Variants in WWOX observed in about 807,000 individuals in gnomAD.
WWOX encodes the protein WW domain containing oxidoreductase, also known as WW domain-containing oxidoreductase.
Under a neutral mutation model 46.2 loss-of-function variants are expected in WWOX, and 69 were observed. The observed-to-expected ratio is 1.49, with a 90% CI of 1.23 to 1.82. WWOX has a LOEUF of 1.82. WWOX is among the 40% of genes most tolerant of loss of function. The pLI is 0.00. For missense variants in WWOX, 919 were observed against 542.6 expected (o/e 1.69, Z -6.89); for synonymous variants, 359 against 202.6 (o/e 1.77, Z -6.56).
chr16:78,456,509 C>G (rs1039454144), intron 8 of WWOX, among the ~76,000 whole-genome samples: 6 of 152,138 alleles, frequency 3.9e-5, no homozygotes. Context: ...AAGCAATAGC[C>G]TTAAATTCTT....
intron 8 of WWOX, among the ~76,000 whole-genome samples, chr16:78,827,874 C>T (rs533788197): frequency 2.6e-5 from 4 of 152,070 alleles, no homozygotes; most frequent in African/African-American, 4.8e-5. Context: ...ATATGGCCAG[C>T]AGCCAGTGTT....
At chr16:78,252,778 A>G (rs1003014636) in intron 5 of WWOX, among the ~76,000 whole-genome samples, 2 of 152,348 alleles carry the variant, frequency 1.3e-5, no homozygotes, top group African/African-American at 2.4e-5. Flanking sequence ...GGATTATAGC[A>G]AATCATCAAA....
chr16:78,573,154 G>C (rs1221920217), intron 8 of WWOX, among the ~76,000 whole-genome samples: 1 of 152,042 alleles, frequency 6.6e-6, no homozygotes, highest in South Asian at 2.1e-4. Context: ...GCATGGTGGC[G>C]GGGTGCCTGT....
intron 4 of WWOX, among the ~76,000 whole-genome samples, chr16:78,157,246 T>C (rs1436112819): frequency 1.3e-5 from 2 of 152,180 alleles, no homozygotes; most frequent in African/African-American, 4.8e-5. Context: ...GTTGCTTGCA[T>C]ATGGCTGTTG....
intron 8 of WWOX, among the ~76,000 whole-genome samples, chr16:78,615,104 A>G (rs531541100): frequency 6.6e-6 from 1 of 152,342 alleles, no homozygotes; most frequent in East Asian, 1.9e-4. Context: ...TTCTATGTGT[A>G]AAATAATTTG....
At chr16:78,737,731 C>G (rs2049123660) in intron 8 of WWOX, among the ~76,000 whole-genome samples, 1 of 152,070 alleles carries the variant, frequency 6.6e-6, no homozygotes, top group African/African-American at 2.4e-5. Flanking sequence ...ATGTCCTGGT[C>G]CTTTGCTGAG....
chr16:79,028,945 G>C (rs2047699781), intron 8 of WWOX, among the ~76,000 whole-genome samples: 1 of 151,716 alleles, frequency 6.6e-6, no homozygotes, highest in Non-Finnish European at 1.5e-5. Flanking sequence ...TGAAGTTGGA[G>C]AAAAGAGCAT....
chr16:78,634,179 T>C (rs2046508816), intron 8 of WWOX, among the ~76,000 whole-genome samples: 1 of 152,304 alleles, frequency 6.6e-6, no homozygotes, highest in Middle Eastern at 3.4e-3. Context: ...GATTCGCTTT[T>C]TTGTGTCTAA....
intron 8 of WWOX, among the ~76,000 whole-genome samples, chr16:79,102,747 A>T (rs778789247): frequency 6.6e-6 from 1 of 152,214 alleles, no homozygotes; most frequent in Non-Finnish European, 1.5e-5. Flanking sequence ...TAAAGGGTAC[A>T]TGTTTAAATT....
intron 8 of WWOX, among the ~76,000 whole-genome samples, chr16:78,788,615 C>T (rs1370582420): frequency 2.0e-5 from 3 of 152,198 alleles, no homozygotes; most frequent in East Asian, 1.9e-4. Context: ...CCATACCTCG[C>T]CCTATGTGTC....
intron 8 of WWOX, among the ~76,000 whole-genome samples, chr16:78,437,924 T>C (rs13336228): frequency 0.24 from 37,163 of 152,094 alleles, 6,872 homozygotes; most frequent in African/African-American, 0.5. Context: ...GTAAGAACTT[T>C]CGAGTTGGTG....
intron 5 of WWOX, among the ~76,000 whole-genome samples, chr16:78,304,221 A>G (rs13337611): frequency 0.12 from 18,461 of 152,162 alleles, 1,185 homozygotes; most frequent in East Asian, 0.15. Context: ...TCTCATCATT[A>G]CTCATCCTCT....
At chr16:78,939,478 T>G (rs1489702167) in intron 8 of WWOX, among the ~76,000 whole-genome samples, 3 of 152,218 alleles carry the variant, frequency 2.0e-5, no homozygotes, top group African/African-American at 7.2e-5. Flanking sequence ...ACTTAATTTT[T>G]TGAGAAATGG....
In WWOX at chr16:78,129,709, C is replaced by CT. The variant is rs930761409; in HGVS notation, c.409+14566dup. Among the ~76,000 whole-genome samples, 328 of 143,132 alleles carry CT rather than the reference C, an allele frequency of 2.3e-3. 1 individual carries two copies. Among genetic ancestry groups the CT allele is most frequent in the African/African-American group, 6.9e-3 (269 of 39,154 alleles). The allele number at this position is 143,132 out of a possible 152,430, so 93.9% of individuals were successfully genotyped here. On this transcript the variant is annotated intron_variant, in intron 4 of 8. Transcript: ENST00000566780. Reference sequence around the variant, plus strand: ...AATGGTCTATAGTGGGATTTTTTTTCTTTTTTTTTTTGTCAGACTACTTGC... The same window carrying CT: ...AATGGTCTATAGTGGGATTTTTTTTCTTTTTTTTTTTTGTCAGACTACTTGC...
chr16:78,829,828 C>G (rs1189551296), intron 8 of WWOX, among the ~76,000 whole-genome samples: 2 of 152,170 alleles, frequency 1.3e-5, no homozygotes, highest in African/African-American at 2.4e-5. Context: ...CTCCTCCCTC[C>G]TGCTAGCATT....
In WWOX at chr16:79,015,093, G is replaced by C. The variant is rs528477278; in HGVS notation, c.1057-196515G>C. On this transcript the variant is annotated intron_variant, in intron 8 of 8. Coordinates refer to ENST00000566780, the MANE Select transcript of WWOX (RefSeq NM_016373.4). ...ACCTCTGTCTTTCAAATTTGGATGT[G>C]TCGGGGGCCACAGGACACTACTGTG... Among the ~76,000 whole-genome samples the C allele has an allele frequency of 2.0e-5, 3 of 152,304 alleles. No individual in the cohort carries two copies. The South Asian group carries it at 6.2e-4, about 32-fold the overall frequency.
chr16:78,341,168 ATTT>A (rs60247224), intron 5 of WWOX, among the ~76,000 whole-genome samples: 12,952 of 105,714 alleles, frequency 0.12, 3,830 homozygotes, highest in African/African-American at 0.34. Flanking sequence ...TCCAACTGTA[ATTT>A]TTTTTTTTTT....
intron 8 of WWOX, among the ~76,000 whole-genome samples, chr16:78,602,177 C>T (rs1344292131): frequency 6.6e-6 from 1 of 152,160 alleles, no homozygotes; most frequent in South Asian, 2.1e-4. Flanking sequence ...TGAGAGTTAC[C>T]TCTTACTTCA....
chr16:79,191,237 G>C (rs539671610), intron 8 of WWOX, among the ~76,000 whole-genome samples: 1 of 151,860 alleles, frequency 6.6e-6, no homozygotes, highest in Non-Finnish European at 1.5e-5. Flanking sequence ...TTGTATTTTA[G>C]CAGAGACAGG....
Sources: allele counts gnomAD v4.1 joint callset (sites outside exome capture counted in the v4.1 genomes callset), GRCh38; gene constraint gnomAD v4.1.1; transcripts MANE v1.5; gene names NCBI Gene and HGNC (gene_info 2026-07-23, HGNC 2026-07-21).